The following USP25 variants were observed in gnomAD, a reference collection of about 807,000 sequenced individuals.
The protein encoded by USP25 is ubiquitin specific peptidase 25.
In USP25, 85 loss-of-function variants were observed where a neutral mutation model predicts 158.5. The observed-to-expected ratio is 0.54, with a 90% CI of 0.45 to 0.64. The LOEUF (loss-of-function observed/expected upper bound fraction) is 0.64, where lower values mean the gene tolerates loss of function less well. USP25 is among the 30% of genes least tolerant of loss of function. The pLI is 0.00. For missense variants in USP25, 1,242 were observed against 1,327.3 expected (o/e 0.94, Z 1.00); for synonymous variants, 464 against 460.4 (o/e 1.01, Z -0.10).
At chr21:15,794,600 C>T (rs2035766025) in intron 5 of USP25, among the ~76,000 whole-genome samples, 1 of 151,482 alleles carries the variant, frequency 6.6e-6, no homozygotes, top group African/African-American at 2.4e-5. Context: ...CATTTGGATG[C>T]CGAGAAGTAA....
rs577653889 is a variant in USP25, at chr21:15,848,743, C to T, written c.2451+967C>T. On this transcript the variant is annotated intron_variant, in intron 19 of 25. Transcript: ENST00000400183. ...CACTGTACCAGTGTAAGAAATCACA[C>T]GCCATAAAGAGAATAAGCAGATTTG... Among the ~76,000 whole-genome samples the T allele has an allele frequency of 7.2e-4, 110 of 152,072 alleles. 1 individual carries two copies. Among genetic ancestry groups the T allele is most frequent in the African/African-American group, 2.5e-3 (104 of 41,488 alleles).
intron 1 of USP25, chr21:15,744,984 A>C (rs988153860): frequency 1.3e-5 from 2 of 152,260 alleles, no homozygotes; most frequent in Admixed American, 1.3e-4. Flanking sequence ...TGTCTAAAGC[A>C]AGAGGGCTGA....
rs758105382 is a variant in USP25, at chr21:15,833,385, T to C, written c.2031T>C (p.Gly677=). The C allele has an allele frequency of 1.2e-6, 2 of 1,613,872 alleles. No homozygotes were observed. The highest frequency in any genetic ancestry group is 1.7e-6 in the Non-Finnish European group (2 of 1,179,974). The change falls in exon 17 of 26, where the codon GGT becomes GGC. Residue 677 remains glycine (G), a synonymous_variant. Transcript: ENST00000400183. The part of the protein sequence containing the change: ...FNKETGQPLV[G]IETLPPDLRD... ...AAGAAACTGGGCAGCCCCTTGTTGG[T>C]ATAGAAACATTACCACCGGATTTGA... is the stretch of plus-strand genomic sequence containing the variant.
At chr21:15,780,631 C>T (rs942016709) in intron 4 of USP25, among the ~76,000 whole-genome samples, 3 of 152,184 alleles carry the variant, frequency 2.0e-5, no homozygotes, top group African/African-American at 4.8e-5. Context: ...TTCCTCATTA[C>T]TTCTGTGTTT....
chr21:15,815,842 G>A (rs2036911310), intron 9 of USP25, among the ~76,000 whole-genome samples: 1 of 152,194 alleles, frequency 6.6e-6, no homozygotes, highest in African/African-American at 2.4e-5. Flanking sequence ...CTTATAGGGA[G>A]TAACTAGCTT....
chr21:15,831,934 C>G (rs2037824725), intron 16 of USP25, among the ~76,000 whole-genome samples: 1 of 152,092 alleles, frequency 6.6e-6, no homozygotes, highest in Non-Finnish European at 1.5e-5. Flanking sequence ...ACATATATGG[C>G]CTCTGTTCTT....
At chr21:15,808,020 C>CT (rs1425161727) in intron 7 of USP25, among the ~76,000 whole-genome samples, 1 of 152,154 alleles carries the variant, frequency 6.6e-6, no homozygotes, top group Non-Finnish European at 1.5e-5. Context: ...CTTTAAGAAA[C>CT]TGCTGGCTGA....
chr21:15,748,999 T>C (rs553062805), intron 1 of USP25, among the ~76,000 whole-genome samples: 5 of 152,154 alleles, frequency 3.3e-5, no homozygotes, highest in Non-Finnish European at 5.9e-5. Flanking sequence ...GTAACAGATA[T>C]GCTCTCAAGT....
chr21:15,822,897 C>G (rs1323823514), intron 10 of USP25, among the ~76,000 whole-genome samples: 7 of 151,852 alleles, frequency 4.6e-5, no homozygotes, highest in Admixed American at 4.6e-4. Flanking sequence ...AAAAGATAAC[C>G]ATCCAGCTCA....
intron 1 of USP25, among the ~76,000 whole-genome samples, chr21:15,741,891 A>G (rs2032090860): frequency 6.6e-6 from 1 of 152,350 alleles, no homozygotes; most frequent in Non-Finnish European, 1.5e-5. Flanking sequence ...TTTCTTCATC[A>G]TGCCTCAAAG....
intron 20 of USP25, among the ~76,000 whole-genome samples, chr21:15,861,398 C>T (rs1225478204): frequency 6.6e-6 from 1 of 152,134 alleles, no homozygotes; most frequent in East Asian, 1.9e-4. Flanking sequence ...ACTAGTATCA[C>T]ATTTCATTTT....
At chr21:15,742,290 C>T (rs765549794) in intron 1 of USP25, among the ~76,000 whole-genome samples, 7 of 152,096 alleles carry the variant, frequency 4.6e-5, no homozygotes, top group Non-Finnish European at 7.4e-5. Flanking sequence ...CTGGGAGCTA[C>T]ATCCTCACGG....
intron 3 of USP25, among the ~76,000 whole-genome samples, chr21:15,769,967 T>G (rs1324573839): frequency 2.7e-5 from 4 of 148,334 alleles, no homozygotes; most frequent in African/African-American, 9.9e-5. Context: ...TTATAAGCCG[T>G]TTTTTTTTTC....
intron 24 of USP25, chr21:15,876,601 A>C (rs1393872534): frequency 6.2e-6 from 1 of 160,748 alleles, no homozygotes; most frequent in African/African-American, 2.4e-5. Flanking sequence ...AAACCATCAG[A>C]TCTCATGAGA....
chr21:15,874,220 G>A (rs146094093), intron 23 of USP25, among the ~76,000 whole-genome samples, 183 bp from the exon 24 acceptor site: 2 of 151,932 alleles, frequency 1.3e-5, no homozygotes, highest in East Asian at 1.9e-4. Flanking sequence ...ACTATCTCTG[G>A]GTTTCAGATG....
intron 22 of USP25, among the ~76,000 whole-genome samples, chr21:15,867,196 A>T (rs1395149273): frequency 6.6e-6 from 1 of 152,044 alleles, no homozygotes; most frequent in Non-Finnish European, 1.5e-5. Context: ...TCACATTTTT[A>T]AATTTAATCT....
chr21:15,870,007 A>G, intron 22 of USP25, 61 bp from the exon 23 acceptor site: 1 of 1,251,654 alleles, frequency 8.0e-7, no homozygotes, highest in Non-Finnish European at 1.1e-6. Flanking sequence ...CTTTTTGTAC[A>G]GTTTCATAGT....
intron 3 of USP25, among the ~76,000 whole-genome samples, chr21:15,767,859 G>A (rs988998942): frequency 3.9e-5 from 6 of 152,028 alleles, no homozygotes; most frequent in African/African-American, 1.4e-4. Context: ...TGTGTGTCCT[G>A]CACAAAAGAA....
chr21:15,767,235 G>C (rs952439172), intron 3 of USP25, among the ~76,000 whole-genome samples: 3 of 152,012 alleles, frequency 2.0e-5, no homozygotes, highest in African/African-American at 7.2e-5. Context: ...AAGTTCTCAT[G>C]TACTCAGTGG....
Sources: gnomAD v4.1 joint callset for allele counts (sites outside exome capture counted in the v4.1 genomes callset) on GRCh38, gnomAD v4.1.1 for gene constraint, MANE v1.5 for transcripts, NCBI Gene and HGNC (gene_info 2026-07-23, HGNC 2026-07-21) for gene names.